The following HMCN1 variants were observed in gnomAD, a reference collection of about 807,000 sequenced individuals.
HMCN1 encodes the protein hemicentin 1.
HMCN1 carries 321 observed loss-of-function variants against 625.9 expected under a neutral mutation model. The ratio of observed to expected loss-of-function variants is 0.51; its 90% CI spans 0.47 to 0.56. The LOEUF (loss-of-function observed/expected upper bound fraction) is 0.56. Among genes scored for constraint, HMCN1 ranks in the 20% least tolerant of loss-of-function variants. HMCN1 has a pLI of 0.00. For missense variants in HMCN1, 6,588 were observed against 6,887.3 expected (o/e 0.96, Z 1.54); for synonymous variants, 2,425 against 2,417.6 (o/e 1.00, Z -0.09).
At chr1:185,979,517 G>C (rs1651470602) in intron 16 of HMCN1, among the ~76,000 whole-genome samples, 1 of 152,186 alleles carries the variant, frequency 6.6e-6, no homozygotes, top group Admixed American at 6.5e-5. Context: ...TTGTCTGGAA[G>C]GAAATTAGTA....
At chr1:186,107,419 A>G (rs1448234312) in intron 70 of HMCN1, among the ~76,000 whole-genome samples, 1 of 152,248 alleles carries the variant, frequency 6.6e-6, no homozygotes, top group East Asian at 1.9e-4. Context: ...ACTATGATGA[A>G]GAAAATTTAA....
intron 6 of HMCN1, among the ~76,000 whole-genome samples, chr1:185,916,749 C>CAG (rs1666723823): frequency 6.6e-6 from 1 of 152,100 alleles, no homozygotes; most frequent in Non-Finnish European, 1.5e-5. Flanking sequence ...AGGAGGAATT[C>CAG]TCCCTGGCTT....
In HMCN1 at chr1:185,745,233, G is replaced by A. The variant is rs114532815; in HGVS notation, c.268+10186G>A. 8.3e-3 allele frequency among the ~76,000 whole-genome samples: 1,255 copies of A among 152,120 alleles called. 12 individuals carry two copies. The highest frequency in any genetic ancestry group is 0.027 in the Middle Eastern group (8 of 294). On this transcript the variant is annotated intron_variant, in intron 1 of 106. Coordinates refer to ENST00000271588, the MANE Select transcript of HMCN1 (RefSeq NM_031935.3). ...TGTCAACCGAAAGTGTAGGGAATCG[G>A]CAATGAAAAAGAGAGTCACAGAAAC...
chr1:185,899,482 A>T (rs1321980309), intron 4 of HMCN1, among the ~76,000 whole-genome samples: 1 of 152,156 alleles, frequency 6.6e-6, no homozygotes, highest in Non-Finnish European at 1.5e-5. Flanking sequence ...TAACAATTTG[A>T]AATTTATGTA....
At chr1:186,166,691 C>T in intron 99 of HMCN1, 117 bp from the exon 100 acceptor site, 1 of 1,457,378 alleles carries the variant, frequency 6.9e-7, no homozygotes, top group East Asian at 2.3e-5. Flanking sequence ...TTTAGTCCTT[C>T]TTGTTCTTTT....
At chr1:186,121,744 A>G (rs1253130537) in intron 80 of HMCN1, among the ~76,000 whole-genome samples, 2 of 152,212 alleles carry the variant, frequency 1.3e-5, no homozygotes, top group African/African-American at 4.8e-5. Context: ...AAATTTGGAA[A>G]TAATCAGCGT....
chr1:185,803,204 G>GAAAAAAAAAAAAAAAAAAAAA (rs1557981375), intron 1 of HMCN1, among the ~76,000 whole-genome samples: 11 of 23,712 alleles, frequency 4.6e-4, no homozygotes, highest in East Asian at 1.2e-3. Context: ...AAAAAAAAAA[G>GAAAAAAAAAAAAAAAAAAAAA]CAAAAAAAAA....
chr1:185,917,874 T>C (rs1394601170), intron 6 of HMCN1, among the ~76,000 whole-genome samples: 1 of 152,150 alleles, frequency 6.6e-6, no homozygotes, highest in Non-Finnish European at 1.5e-5. Context: ...CTTGTTCAAT[T>C]GTCCTTCAGC....
chr1:186,042,751 T>C (rs1374412369), intron 40 of HMCN1, among the ~76,000 whole-genome samples: 1 of 152,180 alleles, frequency 6.6e-6, no homozygotes, highest in East Asian at 1.9e-4. Flanking sequence ...CAGTTTCCAA[T>C]CTGTATTCAC....
At chr1:186,012,226 C>CTT (rs553975075) in intron 30 of HMCN1, among the ~76,000 whole-genome samples, 8 of 142,830 alleles carry the variant, frequency 5.6e-5, no homozygotes, top group Non-Finnish European at 9.2e-5. Context: ...TTGTCTAAGC[C>CTT]TTTTTTTTTT....
chr1:186,024,308 G>A (rs1300282690), intron 36 of HMCN1, among the ~76,000 whole-genome samples: 1 of 152,116 alleles, frequency 6.6e-6, no homozygotes, highest in Non-Finnish European at 1.5e-5. Flanking sequence ...TTCCCCATAA[G>A]GCCTTTATCT....
chr1:185,862,373 G>A (rs1325169157), intron 2 of HMCN1, among the ~76,000 whole-genome samples: 2 of 152,108 alleles, frequency 1.3e-5, no homozygotes, highest in Non-Finnish European at 2.9e-5. Flanking sequence ...AAGAGAAAGG[G>A]AAGGGACAGA....
intron 46 of HMCN1, among the ~76,000 whole-genome samples, chr1:186,058,706 G>A (rs930234823): frequency 3.3e-5 from 5 of 151,912 alleles, no homozygotes; most frequent in Non-Finnish European, 7.4e-5. Flanking sequence ...TATTTAGCTT[G>A]CTTAAAATCA....
chr1:185,946,251 T>A (rs1668337905), intron 11 of HMCN1, among the ~76,000 whole-genome samples: 1 of 152,206 alleles, frequency 6.6e-6, no homozygotes, highest in Non-Finnish European at 1.5e-5. Context: ...TAGTCTTTCC[T>A]TCAAGAAGTG....
chr1:186,173,197 G>A (rs1300912891), intron 102 of HMCN1, among the ~76,000 whole-genome samples: 1 of 151,960 alleles, frequency 6.6e-6, no homozygotes, highest in African/African-American at 2.4e-5. Context: ...TAAAATTATT[G>A]TATCTTGGAT....
In HMCN1 at chr1:186,095,521, G is replaced by A. The variant is rs767413112; in HGVS notation, c.10573G>A (p.Glu3525Lys). ...CAAGCACTTTATCCTCAAGGTCCTAGGTATGTAAACATTGTGGTAAATGTA... is the reference window on the plus strand; with the variant it reads ...CAAGCACTTTATCCTCAAGGTCCTAAGTATGTAAACATTGTGGTAAATGTA... ...VSKHFILKVLEPPHINGSEEH... is the reference protein window; with the variant it reads ...VSKHFILKVLKPPHINGSEEH... Residue 3525 changes from glutamate to lysine, a missense_variant and splice_region_variant, in exon 68 of 107, where the codon GAA becomes AAA. Coordinates refer to ENST00000271588, the MANE Select transcript of HMCN1 (RefSeq NM_031935.3). 2.5e-6 allele frequency: 4 copies of A among 1,613,072 alleles called. No individual in the cohort carries two copies. The highest frequency in any genetic ancestry group is 2.5e-6 in the Non-Finnish European group (3 of 1,179,466).
intron 4 of HMCN1, among the ~76,000 whole-genome samples, chr1:185,893,391 G>A: frequency 6.6e-6 from 1 of 152,192 alleles, no homozygotes; most frequent in African/African-American, 2.4e-5. Flanking sequence ...GTATTATATA[G>A]GTTGATTGGA....
chr1:185,810,125 A>G (rs1267230906), intron 1 of HMCN1, among the ~76,000 whole-genome samples: 4 of 152,132 alleles, frequency 2.6e-5, no homozygotes, highest in Non-Finnish European at 5.9e-5. Flanking sequence ...GTCAAACTTT[A>G]TTTAAGCCTT....
chr1:186,011,120 A>C (rs1653973956), intron 30 of HMCN1, among the ~76,000 whole-genome samples: 1 of 152,040 alleles, frequency 6.6e-6, no homozygotes, highest in Non-Finnish European at 1.5e-5. Flanking sequence ...ATCTCAGCTC[A>C]CTGCAACCTC....
Sources: allele counts gnomAD v4.1 joint callset (sites outside exome capture counted in the v4.1 genomes callset), GRCh38; gene constraint gnomAD v4.1.1; transcripts MANE v1.5; gene names NCBI Gene and HGNC (gene_info 2026-07-23, HGNC 2026-07-21).